NBAS: variants seen among roughly 807,000 people sequenced by gnomAD.
The protein encoded by NBAS is NBAS subunit of NRZ tethering complex.
In NBAS, 219 loss-of-function variants were observed where a neutral mutation model predicts 302.5. The observed-to-expected ratio is 0.72, with a 90% confidence interval of 0.65 to 0.81. The LOEUF (loss-of-function observed/expected upper bound fraction) is 0.81, where lower values mean the gene tolerates loss of function less well. NBAS is among the 30% of genes least tolerant of loss of function. The probability of loss-of-function intolerance (pLI) is 0.00; values close to 1 mark genes in which losing one functional copy is unlikely to be tolerated. For synonymous variants in NBAS, 1,118 were observed against 1,021.6 expected, an observed-to-expected ratio of 1.09 and a Z score of -1.80; for missense variants, 2,932 against 2,841.6, an observed-to-expected ratio of 1.03 and a Z score of -0.72.
the NBAS span, among the ~76,000 whole-genome samples, chr2:14,991,866 T>C: frequency 6.6e-6 from 1 of 152,224 alleles, no homozygotes; most frequent in Non-Finnish European, 1.5e-5. Flanking sequence ...CTACTCTGAA[T>C]TGTCTTTCAG....
At position 15,377,243 on chromosome 2, in the gene NBAS, A is replaced by C. The variant is rs1484148278; in HGVS notation, c.3590+2359T>G. ...GAACACCCCAAAAGAAAAATAAGTA[A>C]AGGCTAGAAACAAGTTTCAAATGAA... On this transcript the variant is annotated intron_variant, in intron 30 of 51. Transcript: ENST00000281513. Among the ~76,000 whole-genome samples, 7 of 152,296 alleles carry C rather than the reference A, an allele frequency of 4.6e-5. No homozygotes were observed. In the East Asian group the frequency reaches 1.3e-3, roughly 29 times the overall value.
chr2:15,516,158 T>A (rs893163046), intron 9 of NBAS, among the ~76,000 whole-genome samples: 4 of 152,242 alleles, frequency 2.6e-5, no homozygotes, highest in African/African-American at 7.2e-5. Flanking sequence ...CTTTGGTGGG[T>A]ATTTTAAACA....
chr2:15,245,010 A>C (rs1668026638), intron 44 of NBAS, among the ~76,000 whole-genome samples: 1 of 151,990 alleles, frequency 6.6e-6, no homozygotes. Context: ...AGGAGACCCC[A>C]AGTGGGTACG....
the NBAS span, among the ~76,000 whole-genome samples, chr2:14,901,448 A>C: frequency 6.6e-6 from 1 of 152,210 alleles, no homozygotes; most frequent in South Asian, 2.1e-4. Context: ...TTTAAAAAAA[A>C]AAATCGGAAG....
chr2:14,786,315 A>G, the NBAS span, among the ~76,000 whole-genome samples: 2 of 151,426 alleles, frequency 1.3e-5, no homozygotes, highest in Non-Finnish European at 2.9e-5. Context: ...TTGTGTCTCT[A>G]TTTCCTTCAG....
the NBAS span, among the ~76,000 whole-genome samples, chr2:14,812,574 A>G: frequency 6.6e-6 from 1 of 152,254 alleles, no homozygotes; most frequent in Non-Finnish European, 1.5e-5. Context: ...CACTAGGAAC[A>G]TAATAGTGTT....
At chr2:14,979,640 G>A in the NBAS span, among the ~76,000 whole-genome samples, 1 of 151,994 alleles carries the variant, frequency 6.6e-6, no homozygotes, top group Non-Finnish European at 1.5e-5. Flanking sequence ...GTCTACATAA[G>A]ACCAAGTAAC....
At chr2:14,822,089 G>A in the NBAS span, among the ~76,000 whole-genome samples, 9 of 151,954 alleles carry the variant, frequency 5.9e-5, no homozygotes, top group Admixed American at 6.6e-5. Context: ...TTATTAATGC[G>A]ATCATCCTAT....
At chr2:15,129,491 C>T in the NBAS span, among the ~76,000 whole-genome samples, 2 of 152,188 alleles carry the variant, frequency 1.3e-5, no homozygotes, top group Admixed American at 6.5e-5. Context: ...AGCATCCCTG[C>T]CCTGTCCCAA....
chr2:15,556,489 G>T (rs59719362), intron 3 of NBAS, among the ~76,000 whole-genome samples: 1 of 152,234 alleles, frequency 6.6e-6, no homozygotes, highest in East Asian at 1.9e-4. Flanking sequence ...AAGATATGCA[G>T]GCTACAGATG....
In NBAS at chr2:15,454,864, T is replaced by C. The variant is rs999369460; in HGVS notation, c.2339+6337A>G. The stretch of plus-strand genomic sequence containing the variant: ...CAAGGTAAAGGGCCATATTTTAGTA[T>C]GTAAGTATTTCTTAACCATTCAATA... On this transcript the variant is annotated intron_variant, in intron 21 of 51. Transcript: ENST00000281513. 1.3e-4 allele frequency among the ~76,000 whole-genome samples: 20 copies of C among 152,272 alleles called. 1 individual carries two copies. Among genetic ancestry groups the C allele is most frequent in the African/African-American group, 4.6e-4 (19 of 41,548 alleles).
intron 21 of NBAS, among the ~76,000 whole-genome samples, chr2:15,431,679 A>T (rs1010317059): frequency 6.6e-5 from 10 of 152,192 alleles, no homozygotes; most frequent in African/African-American, 1.9e-4. Context: ...AAAAAAATGG[A>T]TATGTCAAGG....
At chr2:14,933,027 T>C in the NBAS span, among the ~76,000 whole-genome samples, 387 of 152,366 alleles carry the variant, frequency 2.5e-3, 3 homozygotes, top group Non-Finnish European at 4.5e-3. Flanking sequence ...GCTTTATTCC[T>C]GGCTTATCAT....
chr2:14,786,791 A>G, the NBAS span, among the ~76,000 whole-genome samples: 2 of 152,088 alleles, frequency 1.3e-5, no homozygotes, highest in Admixed American at 6.6e-5. Context: ...AAAAAAATGT[A>G]TATTCTGTTG....
chr2:15,114,587 C>T, the NBAS span, among the ~76,000 whole-genome samples: 7 of 152,100 alleles, frequency 4.6e-5, no homozygotes, highest in Non-Finnish European at 8.8e-5. Flanking sequence ...AAATATACCA[C>T]CTTCACAAAT....
At chr2:15,141,129 GTC>G in the NBAS span, among the ~76,000 whole-genome samples, 1 of 152,038 alleles carries the variant, frequency 6.6e-6, no homozygotes, top group African/African-American at 2.4e-5. Context: ...CTCTGTCTCT[GTC>G]TCTCTCTCGC....
At chr2:15,186,560 A>G (rs1253137779) in intron 50 of NBAS, among the ~76,000 whole-genome samples, 182 bp downstream of exon 50, 1 of 152,158 alleles carries the variant, frequency 6.6e-6, no homozygotes, top group African/African-American at 2.4e-5. Flanking sequence ...ACAAAAAGAA[A>G]GCAGCCTCAA....
At position 15,308,232 on chromosome 2, in the gene NBAS, C is replaced by T; in HGVS notation, c.4781G>A (p.Cys1594Tyr). The change falls in exon 40 of 52, where the codon TGC (cysteine) becomes TAC (tyrosine). Residue 1594 changes from cysteine to tyrosine, a missense_variant. Transcript: ENST00000281513. ...ARLAPCFRDK[C>Y]HPLYRADPKE... The stretch of plus-strand genomic sequence containing the variant: ...AAGACTCACCCTGTAAAGAGGATGG[C>T]ACTTGTCCCTGAAACATGGGGCCAA... 1.2e-6 allele frequency: 2 copies of T among 1,614,120 alleles called. No homozygotes were observed. The highest frequency in any genetic ancestry group is 1.7e-6 in the Non-Finnish European group (2 of 1,180,010).
the NBAS span, among the ~76,000 whole-genome samples, chr2:15,117,126 A>T: frequency 6.6e-6 from 1 of 152,134 alleles, no homozygotes; most frequent in Non-Finnish European, 1.5e-5. Context: ...TCTGTCTGAC[A>T]TACCTGGCAG....
Sources: allele counts gnomAD v4.1 joint callset (sites outside exome capture counted in the v4.1 genomes callset), GRCh38; gene constraint gnomAD v4.1.1; transcripts MANE v1.5; gene names NCBI Gene and HGNC (gene_info 2026-07-23, HGNC 2026-07-21).